NFATC1: variants seen among roughly 807,000 people sequenced by gnomAD.
The protein encoded by NFATC1 is nuclear factor of activated T cells 1.
In NFATC1, 22 loss-of-function variants were observed where a neutral mutation model predicts 76.0. The observed-to-expected ratio is 0.29, with a 90% CI of 0.21 to 0.41. The LOEUF is 0.41. Among genes scored for constraint, NFATC1 ranks in the 10% least tolerant of loss-of-function variants. The pLI, the probability that NFATC1 is intolerant of heterozygous loss-of-function variation, is 1.00. For missense variants in NFATC1, 1,357 were observed against 1,337.7 expected (o/e 1.01, Z -0.23); for synonymous variants, 704 against 613.1 (o/e 1.15, Z -2.19).
chr18:79,404,019 A>G (rs1368246362), intron 1 of NFATC1, among the ~76,000 whole-genome samples: 1 of 152,242 alleles, frequency 6.6e-6, no homozygotes, highest in Non-Finnish European at 1.5e-5. Flanking sequence ...TGGAGGGTGG[A>G]GTTACCTGGC....
chr18:79,500,214 C>T (rs2089984625), intron 9 of NFATC1, among the ~76,000 whole-genome samples: 1 of 152,066 alleles, frequency 6.6e-6, no homozygotes, highest in Admixed American at 6.5e-5. Context: ...ATTCTGATTG[C>T]AATGGATATC....
intron 1 of NFATC1, among the ~76,000 whole-genome samples, chr18:79,399,750 C>G (rs1384799278): frequency 2.0e-5 from 3 of 151,956 alleles, no homozygotes; most frequent in African/African-American, 7.2e-5. Context: ...CCGGTGGGTG[C>G]CGGGCCTCCT....
At chr18:79,427,959 A>C (rs1277963800) in intron 2 of NFATC1, among the ~76,000 whole-genome samples, 1 of 13,808 alleles carries the variant, frequency 7.2e-5, no homozygotes, top group Non-Finnish European at 1.4e-4. Context: ...GCCTCTGTGC[A>C]GTGGGTGGCG....
intron 9 of NFATC1, among the ~76,000 whole-genome samples, chr18:79,509,161 G>T (rs2090185860): frequency 6.6e-6 from 1 of 152,238 alleles, no homozygotes; most frequent in African/African-American, 2.4e-5. Flanking sequence ...AGAGGGACGT[G>T]CTGGCCCCTG....
At chr18:79,403,650 G>T (rs1370584398) in intron 1 of NFATC1, among the ~76,000 whole-genome samples, 1 of 152,276 alleles carries the variant, frequency 6.6e-6, no homozygotes, top group Non-Finnish European at 1.5e-5. Flanking sequence ...CTGGCAGTCG[G>T]GGCCACCCTC....
chr18:79,473,353 G>C (rs888107279), intron 8 of NFATC1, among the ~76,000 whole-genome samples: 1 of 152,288 alleles, frequency 6.6e-6, no homozygotes, highest in South Asian at 2.1e-4. Context: ...CAGACGGCAA[G>C]TGAGAGAAGC....
intron 9 of NFATC1, among the ~76,000 whole-genome samples, chr18:79,521,349 A>T (rs1448776520): frequency 2.2e-5 from 1 of 44,576 alleles, no homozygotes; most frequent in Non-Finnish European, 3.9e-5. Flanking sequence ...GTAGGGGGGG[A>T]GCATCCACTG....
intron 2 of NFATC1, among the ~76,000 whole-genome samples, chr18:79,423,520 T>C (rs554453606): frequency 6.6e-6 from 1 of 152,166 alleles, no homozygotes; most frequent in African/African-American, 2.4e-5. Flanking sequence ...TCATTGCCCG[T>C]GGCCACATCG....
At position 79,398,529 on chromosome 18, in the gene NFATC1, A is replaced by G. The variant is rs546233847; in HGVS notation, c.127+2178A>G. Among the ~76,000 whole-genome samples, 3 of 152,314 alleles carry G rather than the reference A, an allele frequency of 2.0e-5. No individual in the cohort carries two copies. In the South Asian group the frequency reaches 6.2e-4, roughly 32 times the overall value. ...ACCATTTGCAGGAAGGAAGCCCAGCACTGGGGCGGGGGAAGGGGGGGCTCC... is the reference window on the plus strand; with the variant it reads ...ACCATTTGCAGGAAGGAAGCCCAGCGCTGGGGCGGGGGAAGGGGGGGCTCC... On this transcript the variant is annotated intron_variant, in intron 1 of 9. Transcript: ENST00000427363.
intron 1 of NFATC1, among the ~76,000 whole-genome samples, chr18:79,399,993 T>A (rs1243840550): frequency 4.6e-5 from 7 of 151,106 alleles, no homozygotes; most frequent in Non-Finnish European, 1.5e-5. Flanking sequence ...AAAAAAAAAA[T>A]TCCGTCGCCC....
At chr18:79,457,365 T>C (rs996662746) in intron 6 of NFATC1, among the ~76,000 whole-genome samples, 1 of 152,078 alleles carries the variant, frequency 6.6e-6, no homozygotes, top group Non-Finnish European at 1.5e-5. Flanking sequence ...TGGATAGCGC[T>C]AGGGGCGACT....
chr18:79,403,653 C>T (rs2085340494), intron 1 of NFATC1, among the ~76,000 whole-genome samples: 1 of 152,274 alleles, frequency 6.6e-6, no homozygotes, highest in East Asian at 1.9e-4. Context: ...GCAGTCGGGG[C>T]CACCCTCCGA....
rs555695395 is a variant in NFATC1, at chr18:79,402,422, C to T, written c.127+6071C>T. ...CTCCCCGGCACCCACCGGGCTCATT[C>T]CCCCAAAACACTCCTTGAGCAGAAT... On this transcript the variant is annotated intron_variant, in intron 1 of 9. Coordinates refer to ENST00000427363, the MANE Select transcript of NFATC1 (RefSeq NM_001278669.2). 304 of 981,854 alleles carry T rather than the reference C, an allele frequency of 3.1e-4. 5 individuals are homozygous for T. In the South Asian group the frequency reaches 0.012, roughly 39 times the overall value. The allele number at this position is 981,854 out of a possible 1,614,324, so 60.8% of individuals were successfully genotyped here.
rs1308637874 is a variant in NFATC1 at position 79,482,302 on chromosome 18, T to C, written c.2093-3946T>C. Among the ~76,000 whole-genome samples the C allele has an allele frequency of 3.5e-5, 5 of 142,708 alleles. No individual in the cohort carries two copies. The East Asian group carries it at 1.2e-3, about 33-fold the overall frequency. The allele number at this position is 142,708 out of a possible 152,430, so 93.6% of individuals were successfully genotyped here. A position where few individuals can be genotyped will look rare whatever the true frequency, so the allele number is the denominator to read the frequency against. On this transcript the variant is annotated intron_variant, in intron 8 of 9. Coordinates refer to ENST00000427363, the MANE Select transcript of NFATC1 (RefSeq NM_001278669.2). Reference sequence around the variant, plus strand: ...GTGTGACCTGGTTCCTGGGGTGTAATTCCAGCGTGACCTGGTTCCTGGGGT... The same window carrying C: ...GTGTGACCTGGTTCCTGGGGTGTAACTCCAGCGTGACCTGGTTCCTGGGGT...
At chr18:79,403,444 G>T (rs2085332131) in intron 1 of NFATC1, among the ~76,000 whole-genome samples, 1 of 152,218 alleles carries the variant, frequency 6.6e-6, no homozygotes, top group Non-Finnish European at 1.5e-5. Flanking sequence ...TCCCTCTGCA[G>T]AGAGGAGGTC....
At chr18:79,455,371 C>A (rs1449366890) in intron 6 of NFATC1, among the ~76,000 whole-genome samples, 1 of 147,546 alleles carries the variant, frequency 6.8e-6, no homozygotes, top group African/African-American at 2.5e-5. Context: ...CCAGCTGGGG[C>A]CTGGACGGCC....
chr18:79,396,247 T>TC lies in NFATC1; in HGVS notation c.26dup (p.Ser10PhefsTer101). The TC allele has an allele frequency of 6.7e-7, 1 of 1,496,428 alleles. No individual in the cohort carries two copies. The highest frequency in any genetic ancestry group is 9.0e-7 in the Non-Finnish European group (1 of 1,115,730). 92.7% of individuals were successfully genotyped at this position (1,496,428 alleles called of 1,614,324 possible). A position where few individuals can be genotyped will look rare whatever the true frequency, so the allele number is the denominator to read the frequency against. On this transcript the variant is annotated frameshift_variant, in exon 1 of 10. Coordinates refer to ENST00000427363, the MANE Select transcript of NFATC1 (RefSeq NM_001278669.2). LOFTEE classifies it high-confidence loss of function. ...CGGATGCCAAGCACCAGCTTTCCAG[T>TC]CCCTTCCAAGTTTCCACTTGGCCCT...
At chr18:79,416,652 C>A (rs1307110714) in intron 2 of NFATC1, among the ~76,000 whole-genome samples, 1 of 152,204 alleles carries the variant, frequency 6.6e-6, no homozygotes, top group African/African-American at 2.4e-5. Flanking sequence ...TGTCGAGTTG[C>A]CCCATGGTTT....
At chr18:79,492,650 AG>A (rs1312087049) in intron 9 of NFATC1, among the ~76,000 whole-genome samples, 4 of 151,874 alleles carry the variant, frequency 2.6e-5, no homozygotes, top group African/African-American at 9.7e-5. Context: ...CGGAGCTTGC[AG>A]AGAGCTGAGA....
Sources: gnomAD v4.1 joint callset for allele counts (sites outside exome capture counted in the v4.1 genomes callset) on GRCh38, gnomAD v4.1.1 for gene constraint, MANE v1.5 for transcripts, NCBI Gene and HGNC (gene_info 2026-07-23, HGNC 2026-07-21) for gene names.